Variants in RPA2 observed in about 807,000 individuals in gnomAD.
RPA2 encodes the protein replication protein A2, also known as replication protein A 32 kDa subunit.
RPA2 carries 22 observed loss-of-function variants against 33.4 expected under a neutral mutation model. The observed-to-expected ratio is 0.66, with a 90% CI of 0.47 to 0.94. RPA2 has a LOEUF of 0.94. Among genes scored for constraint, RPA2 ranks in the 40% least tolerant of loss-of-function variants. The pLI is 0.00. For synonymous variants in RPA2, 109 were observed against 114.9 expected (o/e 0.95, Z 0.33); for missense variants, 279 against 329.9 (o/e 0.85, Z 1.19).
In RPA2 at chr1:27,912,378, T is replaced by TA. The variant is rs77929837; in HGVS notation, c.117+1684dup. Among the ~76,000 whole-genome samples, 1,246 of 126,674 alleles carry TA rather than the reference T, an allele frequency of 9.8e-3. 8 individuals are homozygous for TA. The highest frequency in any genetic ancestry group is 0.012 in the Middle Eastern group (3 of 252). The allele number at this position is 126,674 out of a possible 152,430, so 83.1% of individuals were successfully genotyped here. A position where few individuals can be genotyped will look rare whatever the true frequency, so the allele number is the denominator to read the frequency against. The stretch of plus-strand genomic sequence containing the variant: ...AGCCAACATGGCCAAATGCCACCTC[T>TA]AAAAAAAAAAAAAAACACAAAAATT... On this transcript the variant is annotated intron_variant, in intron 2 of 8. Transcript: ENST00000373912.
intron 4 of RPA2, among the ~76,000 whole-genome samples, chr1:27,901,730 G>T (rs28904876): frequency 6.6e-6 from 1 of 151,982 alleles, no homozygotes; most frequent in African/African-American, 2.4e-5. Context: ...AGAAGCTTCC[G>T]AAAGGTAAAC....
Position 27,906,954 on chromosome 1 carries a change from C to A in RPA2, c.307G>T (p.Asp103Tyr). ...KIDDMTAAPMDVRQWVDTDDT... is the reference protein window; with the variant it reads ...KIDDMTAAPMYVRQWVDTDDT... ...TCTGTGTCAACCCACTGGCGAACGT[C>A]CATGGGTGCAGCTGTCATGTCATCT... Residue 103 changes from aspartate to tyrosine, a missense_variant, in exon 4 of 9, where the codon GAC becomes TAC. Asp to Tyr is a radical substitution (Grantham distance 160, BLOSUM62 -3). Transcript: ENST00000373912. The A allele has an allele frequency of 1.2e-6, 2 of 1,613,704 alleles. No individual in the cohort carries two copies. Among genetic ancestry groups the A allele is most frequent in the Non-Finnish European group, 1.7e-6 (2 of 1,179,898 alleles).
chr1:27,907,370 T>C, intron 2 of RPA2, 88 bp from the exon 3 acceptor site: 3 of 1,005,038 alleles, frequency 3.0e-6, no homozygotes, highest in Non-Finnish European at 4.5e-6. Context: ...ACTTTAAATA[T>C]ATTAGAACAT....
At position 27,914,024 on chromosome 1, in the gene RPA2, G is replaced by A. The variant is rs188594437; in HGVS notation, c.117+39C>T. On this transcript the variant is annotated intron_variant, in intron 2 of 8. Coordinates refer to ENST00000373912, the MANE Select transcript of RPA2 (RefSeq NM_002946.5). ...GTCATAGATGACTCAGGGACTTCAG[G>A]ACAGGATAAAACAAAACTAAATACT... The A allele has an allele frequency of 1.8e-4, 273 of 1,522,860 alleles. 2 individuals are homozygous for A. The African/African-American group carries it at 3.1e-3, about 17-fold the overall frequency. The allele number at this position is 1,522,860 out of a possible 1,614,324, so 94.3% of individuals were successfully genotyped here.
Position 27,894,079 on chromosome 1 carries a change from T to C in RPA2, c.661A>G (p.Arg221Gly), listed in dbSNP as rs1322275693. The C allele has an allele frequency of 1.4e-5, 23 of 1,614,146 alleles. No individual in the cohort carries two copies. The highest frequency in any genetic ancestry group is 1.9e-5 in the Non-Finnish European group (22 of 1,179,996). The change falls in exon 8 of 9, where the codon AGA (arginine) becomes GGA (glycine). Residue 221 changes from arginine (R) to glycine (G), a missense_variant. Around this residue, in one of 2 missense-constraint regions of RPA2, gnomAD observed 274 missense variants for 310.3 expected, o/e 0.88. Transcript: ENST00000373912. ...TCCTGAAAGTTCAACCCTTCAGGTC[T>C]TGGACAAGCCTTAATCAAATTCAAC... ...QVLNLIKACP[R>G]PEGLNFQDLK...
chr1:27,899,110 T>C (rs2089929834), intron 4 of RPA2, among the ~76,000 whole-genome samples: 1 of 152,054 alleles, frequency 6.6e-6, no homozygotes, highest in Non-Finnish European at 1.5e-5. Flanking sequence ...CAGTGACTCA[T>C]GCCTGTAATC....
intron 2 of RPA2, among the ~76,000 whole-genome samples, chr1:27,911,248 G>A (rs1217442639): frequency 6.6e-6 from 1 of 151,816 alleles, no homozygotes; most frequent in Non-Finnish European, 1.5e-5. Flanking sequence ...AAGACTGTCC[G>A]GGTGTGGTGG....
intron 5 of RPA2, among the ~76,000 whole-genome samples, chr1:27,897,336 A>G (rs1266838414): frequency 6.6e-6 from 1 of 152,164 alleles, no homozygotes; most frequent in Non-Finnish European, 1.5e-5. Flanking sequence ...CCAAGATTGC[A>G]TAACCAAGCA....
rs1439545784 is a variant in RPA2 at position 27,891,988 on chromosome 1, A to G, written c.*175T>C. 5.5e-6 allele frequency: 3 copies of G among 541,792 alleles called. No homozygotes were observed. Among genetic ancestry groups the G allele is most frequent in the East Asian group, 5.6e-5 (2 of 35,690 alleles). The allele number at this position is 541,792 out of a possible 1,614,324, so 33.6% of individuals were successfully genotyped here. A position where few individuals can be genotyped will look rare whatever the true frequency, so the allele number is the denominator to read the frequency against. ...TTGCCCATCTCCCTCTGAGCTTCAA[A>G]CAAAACAAAATAAAACAGAAGAGCA... On this transcript the variant is annotated 3_prime_UTR_variant, in exon 9 of 9. Coordinates refer to ENST00000373912, the MANE Select transcript of RPA2 (RefSeq NM_002946.5).
chr1:27,894,257 TTGTATTTC>T, intron 7 of RPA2, 25 bp downstream of exon 7: 1 of 1,591,126 alleles, frequency 6.3e-7, no homozygotes. Flanking sequence ...TATCTGTGTT[TTGTATTTC>T]TGAAGCCACT....
chr1:27,893,733 G>C (rs1002985261), intron 8 of RPA2, among the ~76,000 whole-genome samples: 1 of 151,296 alleles, frequency 6.6e-6, no homozygotes, highest in Admixed American at 6.6e-5. Context: ...TTAGCCTCCG[G>C]AGTGGCCGGG....
chr1:27,908,642 G>A (rs2090061247), intron 2 of RPA2, among the ~76,000 whole-genome samples: 1 of 151,804 alleles, frequency 6.6e-6, no homozygotes, highest in Non-Finnish European at 1.5e-5. Flanking sequence ...GATTATAGGT[G>A]CACGCCACCA....
chr1:27,902,587 A>G (rs1291017783), intron 4 of RPA2, among the ~76,000 whole-genome samples: 1 of 152,062 alleles, frequency 6.6e-6, no homozygotes, highest in Admixed American at 6.6e-5. Context: ...ACCTAGTCAA[A>G]AAGACTATTT....
At chr1:27,893,976 T>C (rs994652030) in intron 8 of RPA2, 36 bp downstream of exon 8, 3 of 1,554,610 alleles carry the variant, frequency 1.9e-6, no homozygotes, top group African/African-American at 1.4e-5. Context: ...ATAGGTACAA[T>C]GCCAGAGCCT....
chr1:27,904,535 C>A (rs2148658486), intron 4 of RPA2, among the ~76,000 whole-genome samples: 1 of 152,204 alleles, frequency 6.6e-6, no homozygotes, highest in East Asian at 1.9e-4. Context: ...GGTACTCCAA[C>A]AATAACTGCT....
intron 6 of RPA2, among the ~76,000 whole-genome samples, chr1:27,894,837 T>G (rs2089869697): frequency 6.6e-6 from 1 of 152,148 alleles, no homozygotes; most frequent in Non-Finnish European, 1.5e-5. Flanking sequence ...ATTCTTAAAA[T>G]GCTCTGCAAT....
At chr1:27,906,647 C>T (rs1263240767) in intron 4 of RPA2, among the ~76,000 whole-genome samples, 1 of 152,134 alleles carries the variant, frequency 6.6e-6, no homozygotes, top group Non-Finnish European at 1.5e-5. Flanking sequence ...CGAGATTCCA[C>T]CACTGCACTG....
chr1:27,905,039 A>T (rs1301472053), intron 4 of RPA2, among the ~76,000 whole-genome samples: 1 of 152,242 alleles, frequency 6.6e-6, no homozygotes, highest in African/African-American at 2.4e-5. Flanking sequence ...TGCACAATTG[A>T]AAAATAAAAG....
At chr1:27,894,554 A>AT (rs1170744183) in intron 6 of RPA2, among the ~76,000 whole-genome samples, 157 bp from the exon 7 acceptor site, 1 of 152,258 alleles carries the variant, frequency 6.6e-6, no homozygotes, top group Admixed American at 6.5e-5. Flanking sequence ...CTATTATCTA[A>AT]TGAGTATTTC....
Sources: gnomAD v4.1 joint callset for allele counts (sites outside exome capture counted in the v4.1 genomes callset) on GRCh38, gnomAD v4.1.1 for gene constraint, gnomAD v4.1.1 regional missense constraint, MANE v1.5 for transcripts, NCBI Gene and HGNC (gene_info 2026-07-23, HGNC 2026-07-21) for gene names.